Variants in CREB5 observed in about 807,000 individuals in gnomAD.
The protein encoded by CREB5 is cAMP responsive element binding protein 5, also known as cyclic AMP-responsive element-binding protein 5.
CREB5 carries 19 observed loss-of-function variants against 57.1 expected under a neutral mutation model. That is an observed-to-expected ratio of 0.33 (90% CI 0.23 to 0.49). The LOEUF is 0.49. Ranked by LOEUF, CREB5 falls within the 20% of genes least tolerant of loss-of-function variation. The pLI is 0.99. For missense variants in CREB5, 579 were observed against 671.6 expected, an observed-to-expected ratio of 0.86 and a Z score of 1.52; for synonymous variants, 238 against 238.3, an observed-to-expected ratio of 1.00 and a Z score of 0.01.
chr7:28,517,454 T>A (rs1381223185), intron 4 of CREB5, among the ~76,000 whole-genome samples: 1 of 152,200 alleles, frequency 6.6e-6, no homozygotes, highest in Non-Finnish European at 1.5e-5. Context: ...AAACCTGTGG[T>A]ACGATGACTG....
intron 1 of CREB5, among the ~76,000 whole-genome samples, chr7:28,310,183 A>C (rs370562411): frequency 2.6e-5 from 4 of 152,210 alleles, no homozygotes; most frequent in Admixed American, 6.5e-5. Flanking sequence ...TGGAGAAAGG[A>C]GTGGAAGGGA....
At chr7:28,657,719 A>G (rs1362986884) in intron 5 of CREB5, among the ~76,000 whole-genome samples, 1 of 142,504 alleles carries the variant, frequency 7.0e-6, no homozygotes, top group Non-Finnish European at 1.5e-5. Context: ...TCTCTCTCGA[A>G]AAAAAAAAAA....
At chr7:28,790,458 G>GAA (rs1455479742) in intron 7 of CREB5, among the ~76,000 whole-genome samples, 1 of 35,102 alleles carries the variant, frequency 2.8e-5, no homozygotes, top group African/African-American at 1.4e-4. Context: ...GAGAGAGAGA[G>GAA]AGATAGAGAG....
intron 1 of CREB5, among the ~76,000 whole-genome samples, chr7:28,319,559 C>T (rs1481285462): frequency 6.6e-6 from 1 of 152,126 alleles, no homozygotes; most frequent in Non-Finnish European, 1.5e-5. Flanking sequence ...CCTCCATCCA[C>T]ACAGTGCCTT....
intron 4 of CREB5, among the ~76,000 whole-genome samples, chr7:28,560,897 C>CGCGCGCGTGTGT (rs1554344445): frequency 8.9e-5 from 2 of 22,548 alleles, no homozygotes; most frequent in African/African-American, 3.1e-4. Context: ...CGTGTGTGTG[C>CGCGCGCGTGTGT]GTGCGCGCGT....
intron 1 of CREB5, among the ~76,000 whole-genome samples, chr7:28,397,950 T>C (rs1206816247): frequency 6.6e-6 from 1 of 152,204 alleles, no homozygotes; most frequent in Non-Finnish European, 1.5e-5. Context: ...AAAATATATA[T>C]AACAAAATTT....
intron 4 of CREB5, among the ~76,000 whole-genome samples, chr7:28,540,089 A>G (rs570761762): frequency 6.6e-6 from 1 of 152,298 alleles, no homozygotes; most frequent in Admixed American, 6.5e-5. Context: ...AGCATATTTT[A>G]TAAAGGGCAT....
intron 5 of CREB5, among the ~76,000 whole-genome samples, chr7:28,692,528 C>G (rs756251301): frequency 6.6e-6 from 1 of 152,192 alleles, no homozygotes; most frequent in African/African-American, 2.4e-5. Flanking sequence ...TTCAATCACT[C>G]TTCTACTTAC....
At chr7:28,746,895 T>G (rs548642851) in intron 7 of CREB5, among the ~76,000 whole-genome samples, 2 of 152,312 alleles carry the variant, frequency 1.3e-5, no homozygotes, top group South Asian at 4.1e-4. Flanking sequence ...TTCCCAGACG[T>G]TTCTTAGGCT....
At chr7:28,790,468 G>A (rs1437838747) in intron 7 of CREB5, among the ~76,000 whole-genome samples, 117 of 108,180 alleles carry the variant, frequency 1.1e-3, no homozygotes, top group African/African-American at 4.1e-3. Context: ...GAGATAGAGA[G>A]AGAGAGAAAG....
chr7:28,795,756 T>C (rs967507791), intron 7 of CREB5, among the ~76,000 whole-genome samples: 1 of 79,462 alleles, frequency 1.3e-5, no homozygotes, highest in Admixed American at 1.0e-4. Context: ...TTTTTCTTTC[T>C]TTTTTTTTTT....
rs553823579 is a variant in CREB5, at chr7:28,743,075, T to C, written c.702+18743T>C. Among the ~76,000 whole-genome samples the C allele has an allele frequency of 2.1e-3, 319 of 152,318 alleles. 2 individuals are homozygous for C. The highest frequency in any genetic ancestry group is 6.4e-3 in the African/African-American group (268 of 41,580). ...CTGGAATTACAGGCATGAGCCACCG[T>C]GCCCAGCTTATTTTGCTTTTACTAA... On this transcript the variant is annotated intron_variant, in intron 7 of 10. Transcript: ENST00000357727.
At chr7:28,800,323 G>A (rs149846869) in intron 7 of CREB5, among the ~76,000 whole-genome samples, 1 of 151,816 alleles carries the variant, frequency 6.6e-6, no homozygotes, top group South Asian at 2.1e-4. Context: ...AAACGCGAAG[G>A]CCCCATGTCT....
chr7:28,398,398 G>A (rs1443191688), intron 1 of CREB5, among the ~76,000 whole-genome samples: 2 of 152,116 alleles, frequency 1.3e-5, no homozygotes, highest in African/African-American at 2.4e-5. Flanking sequence ...TCACTTACTA[G>A]CCTGCGGGTA....
intron 8 of CREB5, 145 bp downstream of exon 8, chr7:28,804,667 A>T: frequency 9.9e-7 from 1 of 1,013,692 alleles, no homozygotes; most frequent in Non-Finnish European, 1.5e-6. Context: ...ATCTCCTAGG[A>T]GGCAAGCCTT....
At chr7:28,348,660 T>C (rs144638532) in intron 1 of CREB5, among the ~76,000 whole-genome samples, 34 of 152,320 alleles carry the variant, frequency 2.2e-4, no homozygotes, top group African/African-American at 7.5e-4. Context: ...AGCATCCGTC[T>C]TTCCATTCAC....
At chr7:28,343,215 C>T (rs188070335) in intron 1 of CREB5, among the ~76,000 whole-genome samples, 70 of 152,332 alleles carry the variant, frequency 4.6e-4, no homozygotes, top group Middle Eastern at 3.4e-3. Context: ...GCTGGGATTA[C>T]AGGCATGAGC....
At chr7:28,323,067 C>G (rs895858166) in intron 1 of CREB5, among the ~76,000 whole-genome samples, 1 of 152,174 alleles carries the variant, frequency 6.6e-6, no homozygotes, top group Non-Finnish European at 1.5e-5. Flanking sequence ...TAATACCTCC[C>G]TTAGTGCCCT....
rs145256718 is a variant in CREB5 at position 28,359,226 on chromosome 7, A to AT, written c.-25+59785_-25+59786insT. On this transcript the variant is annotated intron_variant, in intron 1 of 9. Coordinates refer to the CREB5 transcript ENST00000396299. ...AGCGAATACACACACAAAACAAATA[A>AT]AAAAAAAAAAGCTTTAAGTACTGGC... is the stretch of plus-strand genomic sequence containing the variant. Among the ~76,000 whole-genome samples the AT allele has an allele frequency of 3.2e-3, 340 of 106,886 alleles. 3 individuals are homozygous for AT. The highest frequency in any genetic ancestry group is 5.2e-3 in the Middle Eastern group (1 of 194). The allele number at this position is 106,886 out of a possible 152,430, so 70.1% of individuals were successfully genotyped here. A position where few individuals can be genotyped will look rare whatever the true frequency, so the allele number is the denominator to read the frequency against.
Sources: allele counts gnomAD v4.1 joint callset (sites outside exome capture counted in the v4.1 genomes callset), GRCh38; gene constraint gnomAD v4.1.1; transcripts MANE v1.5; gene names NCBI Gene and HGNC (gene_info 2026-07-23, HGNC 2026-07-21).